The following C12orf54 variants were observed in gnomAD, a reference collection of about 807,000 sequenced individuals.
C12orf54 encodes the protein chromosome 12 open reading frame 54.
In C12orf54, 24 loss-of-function variants were observed where a neutral mutation model predicts 26.4. The ratio of observed to expected loss-of-function variants is 0.91; its 90% CI spans 0.66 to 1.28. C12orf54 has a LOEUF of 1.28. Among genes scored for constraint, C12orf54 ranks in the 50% most tolerant of loss-of-function variants. C12orf54 has a pLI of 0.00. For missense variants in C12orf54, 154 were observed against 150.9 expected, an observed-to-expected ratio of 1.02 and a Z score of -0.11; for synonymous variants, 54 against 47.0, an observed-to-expected ratio of 1.15 and a Z score of -0.61.
chr12:48,424,090 A>T, the C12orf54 span, among the ~76,000 whole-genome samples: 1 of 152,244 alleles, frequency 6.6e-6, no homozygotes, highest in South Asian at 2.1e-4. Flanking sequence ...CTTTTTCTGC[A>T]TCTGTTTAGA....
chr12:48,453,939 A>G, the C12orf54 span, among the ~76,000 whole-genome samples: 1 of 152,028 alleles, frequency 6.6e-6, no homozygotes, highest in Non-Finnish European at 1.5e-5. Flanking sequence ...CCTTCTTTTG[A>G]TTTAGATTCA....
chr12:48,478,474 G>C (rs1288605516), upstream of C12orf54, among the ~76,000 whole-genome samples: 1 of 152,190 alleles, frequency 6.6e-6, no homozygotes, highest in African/African-American at 2.4e-5. Context: ...GTTTGCAGAT[G>C]ACATGTTTGT....
the C12orf54 span, among the ~76,000 whole-genome samples, chr12:48,436,713 A>C: frequency 6.6e-6 from 1 of 152,156 alleles, no homozygotes. Context: ...CCAACTAGAA[A>C]AAAGACACAA....
chr12:48,444,735 G>GT, the C12orf54 span, among the ~76,000 whole-genome samples: 1 of 152,070 alleles, frequency 6.6e-6, no homozygotes, highest in African/African-American at 2.4e-5. Context: ...TACCACTATG[G>GT]TTATTGATAC....
At chr12:48,435,132 G>A in the C12orf54 span, among the ~76,000 whole-genome samples, 6 of 152,174 alleles carry the variant, frequency 3.9e-5, no homozygotes, top group African/African-American at 1.4e-4. Context: ...CTCAGTAACT[G>A]ATGCAATCAA....
At chr12:48,448,346 T>G in the C12orf54 span, among the ~76,000 whole-genome samples, 1 of 152,178 alleles carries the variant, frequency 6.6e-6, no homozygotes, top group African/African-American at 2.4e-5. Flanking sequence ...TTTTAAAAAC[T>G]TTACATAAAT....
At chr12:48,416,214 G>A in the C12orf54 span, among the ~76,000 whole-genome samples, 4 of 152,128 alleles carry the variant, frequency 2.6e-5, no homozygotes, top group South Asian at 8.3e-4. Flanking sequence ...CCATAGAGAA[G>A]CCAGAGTAAT....
At chr12:48,443,740 C>G in the C12orf54 span, among the ~76,000 whole-genome samples, 1 of 150,648 alleles carries the variant, frequency 6.6e-6, no homozygotes, top group Non-Finnish European at 1.5e-5. Flanking sequence ...GTGTGGTCTT[C>G]TTTTTTGCCT....
the C12orf54 span, chr12:48,473,127 G>GC: frequency 6.2e-7 from 1 of 1,610,012 alleles, no homozygotes; most frequent in Non-Finnish European, 8.5e-7. Flanking sequence ...TGACAAGGAG[G>GC]CCCCTAACTC....
At chr12:48,441,031 G>A in the C12orf54 span, among the ~76,000 whole-genome samples, 1 of 152,134 alleles carries the variant, frequency 6.6e-6, no homozygotes, top group East Asian at 1.9e-4. Flanking sequence ...CTAACACCAC[G>A]ATTTATCTCC....
At chr12:48,450,838 G>A in the C12orf54 span, among the ~76,000 whole-genome samples, 1 of 151,990 alleles carries the variant, frequency 6.6e-6, no homozygotes, top group Non-Finnish European at 1.5e-5. Flanking sequence ...GTAATAAATA[G>A]CCTACCAACC....
the C12orf54 span, among the ~76,000 whole-genome samples, chr12:48,433,660 G>A: frequency 2.0e-5 from 3 of 152,136 alleles, no homozygotes; most frequent in African/African-American, 7.2e-5. Context: ...TGTTAGCCAG[G>A]ATGGTCTTGA....
At chr12:48,488,200 CCCTGGAGTCTGTG>C (rs1362477139) in intron 4 of C12orf54, 14 of 705,592 alleles carry the variant, frequency 2.0e-5, no homozygotes, top group Non-Finnish European at 3.4e-5. Flanking sequence ...CTTCATTGGC[CCCTGGAGTCTGTG>C]CCTGTCACTC....
the C12orf54 span, among the ~76,000 whole-genome samples, chr12:48,431,545 A>G: frequency 6.6e-6 from 1 of 152,194 alleles, no homozygotes; most frequent in South Asian, 2.1e-4. Flanking sequence ...TTGATTCACT[A>G]ACAAAATATA....
chr12:48,477,165 G>A, the C12orf54 span, among the ~76,000 whole-genome samples: 1 of 152,184 alleles, frequency 6.6e-6, no homozygotes, highest in Non-Finnish European at 1.5e-5. Flanking sequence ...ATAATGAAAT[G>A]AAGGCAGAAA....
At chr12:48,481,440 C>T (rs1954197765), upstream of C12orf54, among the ~76,000 whole-genome samples, 1 of 152,018 alleles carries the variant, frequency 6.6e-6, no homozygotes, top group Non-Finnish European at 1.5e-5. Flanking sequence ...AACCTCTAAT[C>T]AGAGTCTAAT....
chr12:48,473,948 C>G, the C12orf54 span, among the ~76,000 whole-genome samples: 1 of 152,140 alleles, frequency 6.6e-6, no homozygotes, highest in Admixed American at 6.5e-5. Context: ...GGGACATTCC[C>G]CATCTCTCAT....
the C12orf54 span, among the ~76,000 whole-genome samples, chr12:48,427,970 C>T: frequency 1.3e-5 from 2 of 152,046 alleles, no homozygotes; most frequent in African/African-American, 4.8e-5. Flanking sequence ...ATATCAAACT[C>T]TCTCTCAGAC....
chr12:48,415,411 T>C, the C12orf54 span, among the ~76,000 whole-genome samples: 27 of 152,226 alleles, frequency 1.8e-4, no homozygotes, highest in African/African-American at 6.3e-4. Context: ...CTCATCAATA[T>C]TGCCAACTAC....
Sources: allele counts gnomAD v4.1 joint callset (sites outside exome capture counted in the v4.1 genomes callset), GRCh38; gene constraint gnomAD v4.1.1; transcripts MANE v1.5; gene names NCBI Gene and HGNC (gene_info 2026-07-23, HGNC 2026-07-21).